TSHZ2: variants seen among roughly 807,000 people sequenced by gnomAD.
The protein encoded by TSHZ2 is teashirt zinc finger homeobox 2, also known as teashirt homolog 2.
A neutral mutation model predicts 74.4 loss-of-function variants in TSHZ2; 21 were observed. The observed-to-expected ratio is 0.28, with a 90% confidence interval of 0.20 to 0.41. The LOEUF (loss-of-function observed/expected upper bound fraction) is 0.41, where lower values mean the gene tolerates loss of function less well. TSHZ2 is among the 10% of genes least tolerant of loss of function. The pLI is 1.00. For synonymous variants in TSHZ2, 540 were observed against 515.3 expected (o/e 1.05, Z -0.65); for missense variants, 1,244 against 1,293.5 (o/e 0.96, Z 0.59).
chr20:53,238,707 T>C (rs1662893016), intron 1 of TSHZ2, among the ~76,000 whole-genome samples: 1 of 151,982 alleles, frequency 6.6e-6, no homozygotes, highest in African/African-American at 2.4e-5. Context: ...TGGGGTACCA[T>C]GAAATTAAAC....
chr20:53,319,775 A>G (rs866598463), intron 2 of TSHZ2, among the ~76,000 whole-genome samples: 9 of 152,234 alleles, frequency 5.9e-5, no homozygotes, highest in African/African-American at 2.2e-4. Flanking sequence ...TAAGAGAATG[A>G]ATGCAATGCA....
intron 2 of TSHZ2, among the ~76,000 whole-genome samples, chr20:53,305,720 C>T (rs1229808569): frequency 5.9e-5 from 9 of 152,194 alleles, no homozygotes; most frequent in Admixed American, 5.2e-4. Flanking sequence ...TGGCTCACTC[C>T]GGTAATCCCA....
At chr20:53,374,678 G>C (rs750572374) in intron 2 of TSHZ2, among the ~76,000 whole-genome samples, 2 of 152,044 alleles carry the variant, frequency 1.3e-5, no homozygotes, top group African/African-American at 2.4e-5. Flanking sequence ...TGGTTCTTAA[G>C]AGCCATTTGC....
intron 1 of TSHZ2, among the ~76,000 whole-genome samples, chr20:53,063,109 T>G (rs1984871595): frequency 6.6e-6 from 1 of 152,116 alleles, no homozygotes; most frequent in Non-Finnish European, 1.5e-5. Context: ...ATGAAAAAGT[T>G]TGAAATATTG....
chr20:53,096,954 A>C (rs1568757458), intron 1 of TSHZ2, among the ~76,000 whole-genome samples: 2 of 151,872 alleles, frequency 1.3e-5, no homozygotes, highest in East Asian at 3.9e-4. Context: ...AAACAAAAAA[A>C]AACAACAAAA....
chr20:53,112,475 C>T (rs117666625), intron 1 of TSHZ2, among the ~76,000 whole-genome samples: 3 of 152,264 alleles, frequency 2.0e-5, no homozygotes, highest in Non-Finnish European at 4.4e-5. Flanking sequence ...TCCAATTACT[C>T]TCAGAATCAT....
In TSHZ2 at chr20:53,253,586, A is replaced by T. The variant is rs1226248753; in HGVS notation, c.128A>T (p.Gln43Leu). The T allele has an allele frequency of 5.6e-6, 9 of 1,614,036 alleles. No individual in the cohort carries two copies. The highest frequency in any genetic ancestry group is 7.6e-6 in the Non-Finnish European group (9 of 1,180,026). Reference sequence around the variant, plus strand: ...GACAGCGGTTCAGTAGCTCAACTGCAGGGTGGCAATGACACAGGGACGGAC... The same window carrying T: ...GACAGCGGTTCAGTAGCTCAACTGCTGGGTGGCAATGACACAGGGACGGAC... ...EEDSGSVAQL[Q>L]GGNDTGTDEE... The change falls in exon 2 of 3, where the codon CAG (glutamine) becomes CTG (leucine). Residue 43 changes from glutamine (Q) to leucine (L), a missense_variant. Physicochemically the swap from Gln to Leu is moderately radical, Grantham distance 113. Around this residue, in one of 6 missense-constraint regions of TSHZ2, gnomAD observed 470 missense variants for 456.5 expected, o/e 1.03. Transcript: ENST00000371497.
intron 2 of TSHZ2, among the ~76,000 whole-genome samples, chr20:53,347,920 C>G (rs1980501216): frequency 6.6e-6 from 1 of 152,144 alleles, no homozygotes; most frequent in African/African-American, 2.4e-5. Flanking sequence ...TATCGAGTTT[C>G]AGAATATTTT....
intron 2 of TSHZ2, among the ~76,000 whole-genome samples, chr20:53,331,410 G>A (rs1336342481): frequency 6.6e-6 from 1 of 152,110 alleles, no homozygotes; most frequent in Non-Finnish European, 1.5e-5. Flanking sequence ...ACCTGGTGGG[G>A]GCCAGGAGAT....
rs372444020 is a variant in TSHZ2, at chr20:53,201,121, T to C, written c.41-52378T>C. Among the ~76,000 whole-genome samples the C allele has an allele frequency of 4.1e-4, 63 of 152,194 alleles. No individual in the cohort carries two copies. In the South Asian group the frequency reaches 0.012, roughly 30 times the overall value. ...AGGGACTTTTTACTTCTAAGAACAATGGGAAATTATCAAAGAGTTCTGAGC... is the reference window on the plus strand; with the variant it reads ...AGGGACTTTTTACTTCTAAGAACAACGGGAAATTATCAAAGAGTTCTGAGC... On this transcript the variant is annotated intron_variant, in intron 1 of 2. Coordinates refer to ENST00000371497, the MANE Select transcript of TSHZ2 (RefSeq NM_173485.6).
intron 2 of TSHZ2, among the ~76,000 whole-genome samples, chr20:53,415,096 A>G (rs2145704731): frequency 6.6e-6 from 1 of 152,332 alleles, no homozygotes; most frequent in South Asian, 2.1e-4. Flanking sequence ...CACTATTGTC[A>G]TTTATGCAAA....
intron 1 of TSHZ2, among the ~76,000 whole-genome samples, chr20:52,981,481 C>T (rs1345496830): frequency 6.6e-6 from 1 of 152,118 alleles, no homozygotes; most frequent in Non-Finnish European, 1.5e-5. Flanking sequence ...AACTGTTAGG[C>T]ACCACAGGGA....
chr20:53,275,970 A>T (rs369145817), intron 2 of TSHZ2, among the ~76,000 whole-genome samples: 31 of 152,352 alleles, frequency 2.0e-4, no homozygotes, highest in African/African-American at 7.5e-4. Context: ...TGTTAAGTCT[A>T]CATTGTGTAT....
At chr20:52,991,371 G>A (rs1326052980) in intron 1 of TSHZ2, among the ~76,000 whole-genome samples, 1 of 141,928 alleles carries the variant, frequency 7.0e-6, no homozygotes, top group Non-Finnish European at 1.5e-5. Flanking sequence ...GATTTTGTGT[G>A]GATTATGTAT....
At chr20:53,026,918 G>A (rs1295305809) in intron 1 of TSHZ2, among the ~76,000 whole-genome samples, 1 of 151,716 alleles carries the variant, frequency 6.6e-6, no homozygotes, top group Non-Finnish European at 1.5e-5. Flanking sequence ...TGGGAGAATT[G>A]CTTGAACCCA....
intron 1 of TSHZ2, among the ~76,000 whole-genome samples, chr20:53,042,131 T>C (rs1348011714): frequency 6.6e-6 from 1 of 152,220 alleles, no homozygotes; most frequent in Non-Finnish European, 1.5e-5. Context: ...TATTAATATC[T>C]TCTGTGTGTA....
intron 2 of TSHZ2, among the ~76,000 whole-genome samples, chr20:53,470,080 T>A (rs1985751522): frequency 6.6e-6 from 1 of 152,222 alleles, no homozygotes; most frequent in East Asian, 1.9e-4. Context: ...CTTTCTGGTT[T>A]ATTTTGTGAC....
chr20:53,163,284 A>G (rs6022308), intron 1 of TSHZ2, among the ~76,000 whole-genome samples: 6,172 of 146,864 alleles, frequency 0.042, 415 homozygotes, highest in African/African-American at 0.14. Context: ...TGGCAAACAT[A>G]TTGGGATGTC....
chr20:53,235,723 A>G (rs975020194), intron 1 of TSHZ2, among the ~76,000 whole-genome samples: 2 of 152,190 alleles, frequency 1.3e-5, no homozygotes, highest in African/African-American at 4.8e-5. Context: ...CCTGGAAGCT[A>G]TTTAGATTTA....
Sources: gnomAD v4.1 joint callset for allele counts (sites outside exome capture counted in the v4.1 genomes callset) on GRCh38, gnomAD v4.1.1 for gene constraint, gnomAD v4.1.1 regional missense constraint, MANE v1.5 for transcripts, NCBI Gene and HGNC (gene_info 2026-07-23, HGNC 2026-07-21) for gene names.